Variants in ZFHX3 observed in about 807,000 individuals in gnomAD.
ZFHX3 encodes zinc finger homeobox 3, also known as zinc finger homeobox protein 3.
ZFHX3 carries 42 observed loss-of-function variants against 279.1 expected under a neutral mutation model. The observed-to-expected ratio is 0.15, with a 90% CI of 0.12 to 0.19. The LOEUF (loss-of-function observed/expected upper bound fraction) is 0.19, where lower values mean the gene tolerates loss of function less well. ZFHX3 is among the 10% of genes least tolerant of loss of function. ZFHX3 has a pLI of 1.00. For synonymous variants in ZFHX3, 2,293 were observed against 1,957.8 expected, an observed-to-expected ratio of 1.17 and a Z score of -4.52; for missense variants, 4,981 against 4,754.0, an observed-to-expected ratio of 1.05 and a Z score of -1.40.
chr16:72,859,723 G>C (rs1363407868), intron 4 of ZFHX3, among the ~76,000 whole-genome samples: 2 of 152,186 alleles, frequency 1.3e-5, no homozygotes, highest in Non-Finnish European at 2.9e-5. Flanking sequence ...AGTCTACAAG[G>C]AGTTGCCCAG....
intron 2 of ZFHX3, among the ~76,000 whole-genome samples, chr16:73,670,438 A>G (rs1304535646): frequency 6.6e-6 from 1 of 152,230 alleles, no homozygotes; most frequent in African/African-American, 2.4e-5. Context: ...TAAAACACTC[A>G]GAGCTCCAAA....
At chr16:73,033,479 C>T (rs117107922) in intron 1 of ZFHX3, among the ~76,000 whole-genome samples, 3,305 of 152,248 alleles carry the variant, frequency 0.022, 58 homozygotes, top group Middle Eastern at 0.065. Context: ...CTGATCATAT[C>T]CTCTAAAACG....
At position 73,397,043 on chromosome 16, in the gene ZFHX3, G is replaced by C. The variant is rs564555804; in HGVS notation, c.-1291+58960C>G. ...GGAAATAAACCTAAGCGGCTCTCTT[G>C]TGAGCAAGAAATTCACTTCTTTGCT... On this transcript the variant is annotated intron_variant, in intron 3 of 17. Transcript: ENST00000641206. Among the ~76,000 whole-genome samples, 5 of 152,354 alleles carry C rather than the reference G, an allele frequency of 3.3e-5. No individual in the cohort carries two copies. In the East Asian group the frequency reaches 9.6e-4, roughly 29 times the overall value.
intron 1 of ZFHX3, among the ~76,000 whole-genome samples, chr16:73,774,686 C>T (rs561662028): frequency 6.6e-6 from 1 of 152,328 alleles, no homozygotes; most frequent in South Asian, 2.1e-4. Flanking sequence ...AGCTGGGCAA[C>T]ATCACTAAGC....
At chr16:72,910,592 G>A (rs1168321889) in intron 3 of ZFHX3, among the ~76,000 whole-genome samples, 2 of 152,208 alleles carry the variant, frequency 1.3e-5, no homozygotes, top group African/African-American at 2.4e-5. Context: ...GCAGTGGATG[G>A]CAGCGTGGCA....
chr16:73,524,615 T>A (rs558843315), intron 2 of ZFHX3, among the ~76,000 whole-genome samples: 1 of 152,206 alleles, frequency 6.6e-6, no homozygotes, highest in Admixed American at 6.5e-5. Flanking sequence ...CTCATTTCTC[T>A]CTAGTGTCCT....
chr16:73,193,911 T>C (rs1443238278), intron 5 of ZFHX3, among the ~76,000 whole-genome samples: 1 of 152,222 alleles, frequency 6.6e-6, no homozygotes, highest in African/African-American at 2.4e-5. Flanking sequence ...ACTCAAGATG[T>C]AGTGACAGTA....
chr16:73,168,579 C>T (rs1288706797), intron 5 of ZFHX3, among the ~76,000 whole-genome samples: 1 of 152,094 alleles, frequency 6.6e-6, no homozygotes, highest in African/African-American at 2.4e-5. Flanking sequence ...TTGGAAGCTT[C>T]TCTGTACCTA....
chr16:72,892,538 C>T (rs2038799522), intron 3 of ZFHX3, among the ~76,000 whole-genome samples: 1 of 148,984 alleles, frequency 6.7e-6, no homozygotes, highest in African/African-American at 2.5e-5. Context: ...GACAGGGTCT[C>T]ACTCTGTTGC....
chr16:73,554,552 A>T (rs1213650266), intron 2 of ZFHX3: 1 of 152,166 alleles, frequency 6.6e-6, no homozygotes, highest in Non-Finnish European at 1.5e-5. Flanking sequence ...ACAGATTCAG[A>T]CTTTTCAGGG....
At chr16:73,136,108 G>A (rs1015898184) in intron 6 of ZFHX3, among the ~76,000 whole-genome samples, 6 of 152,030 alleles carry the variant, frequency 3.9e-5, no homozygotes, top group African/African-American at 1.4e-4. Context: ...CGCCCTCCTC[G>A]GCCTCCTAAA....
At chr16:73,700,966 C>CT (rs1335443291) in intron 1 of ZFHX3, among the ~76,000 whole-genome samples, 4 of 151,916 alleles carry the variant, frequency 2.6e-5, no homozygotes, top group South Asian at 2.1e-4. Context: ...TGTGAAAGGT[C>CT]TTTTTTTTAA....
At chr16:73,628,050 CT>C (rs1360380457) in intron 2 of ZFHX3, among the ~76,000 whole-genome samples, 1 of 152,204 alleles carries the variant, frequency 6.6e-6, no homozygotes, top group Non-Finnish European at 1.5e-5. Flanking sequence ...AAGGATTCAT[CT>C]TGTTTTTCTT....
At chr16:73,451,815 C>T (rs985852383) in intron 3 of ZFHX3, among the ~76,000 whole-genome samples, 5 of 152,116 alleles carry the variant, frequency 3.3e-5, no homozygotes, top group African/African-American at 1.2e-4. Flanking sequence ...ATAACATACA[C>T]GTGTGCATAT....
At chr16:73,415,702 T>C (rs1380056060) in intron 3 of ZFHX3, among the ~76,000 whole-genome samples, 1 of 152,210 alleles carries the variant, frequency 6.6e-6, no homozygotes, top group Admixed American at 6.5e-5. Context: ...CACCGCCCCA[T>C]GTTCGTTCAT....
intron 3 of ZFHX3, among the ~76,000 whole-genome samples, chr16:73,375,403 G>T (rs1175104813): frequency 1.3e-5 from 2 of 151,988 alleles, no homozygotes; most frequent in East Asian, 1.9e-4. Context: ...AAAAGCCCTG[G>T]GTCCTTTTAG....
chr16:73,531,286 G>T (rs1468531321), intron 2 of ZFHX3, among the ~76,000 whole-genome samples: 3 of 152,128 alleles, frequency 2.0e-5, no homozygotes, highest in Non-Finnish European at 4.4e-5. Context: ...TCAGGTCAAC[G>T]TCTTTTGCTA....
chr16:73,680,561 TTTTAA>T (rs1482782435), intron 1 of ZFHX3, among the ~76,000 whole-genome samples: 3 of 152,188 alleles, frequency 2.0e-5, no homozygotes, highest in East Asian at 3.8e-4. Flanking sequence ...ACCGGTTACA[TTTTAA>T]TTTATCACTA....
intron 1 of ZFHX3, among the ~76,000 whole-genome samples, chr16:73,772,924 G>C (rs1274454115): frequency 6.6e-6 from 1 of 152,288 alleles, no homozygotes; most frequent in East Asian, 1.9e-4. Context: ...ACTACCTGCA[G>C]AGATCTCAGA....
Sources: gnomAD v4.1 joint callset for allele counts (sites outside exome capture counted in the v4.1 genomes callset) on GRCh38, gnomAD v4.1.1 for gene constraint, MANE v1.5 for transcripts, NCBI Gene and HGNC (gene_info 2026-07-23, HGNC 2026-07-21) for gene names.